PSPC1: variants seen among roughly 807,000 people sequenced by gnomAD.
The protein encoded by PSPC1 is paraspeckle component 1.
In PSPC1, 14 loss-of-function variants were observed where a neutral mutation model predicts 51.6. The observed-to-expected ratio is 0.27, with a 90% CI of 0.18 to 0.42. The LOEUF is 0.42. Ranked by LOEUF, PSPC1 falls within the 10% of genes least tolerant of loss-of-function variation. The pLI is 1.00. For missense variants in PSPC1, 406 were observed against 701.1 expected (o/e 0.58, Z 4.75); for synonymous variants, 193 against 231.9 (o/e 0.83, Z 1.53).
intron 3 of PSPC1, among the ~76,000 whole-genome samples, chr13:19,753,392 T>C (rs1886762388): frequency 6.6e-6 from 1 of 151,664 alleles, no homozygotes; most frequent in African/African-American, 2.4e-5. Context: ...CATGCCACCA[T>C]GACCAGCTAA....
chr13:19,751,423 T>G lies in PSPC1; in HGVS notation c.815A>C (p.Glu272Ala). 1 of 1,581,612 alleles carries G rather than the reference T, an allele frequency of 6.3e-7. No homozygotes were observed. The highest frequency in any genetic ancestry group is 8.6e-7 in the Non-Finnish European group (1 of 1,168,650). ...PPRFAQPGTFEFEYASRWKAL... is the reference protein window; with the variant it reads ...PPRFAQPGTFAFEYASRWKAL... The stretch of plus-strand genomic sequence containing the variant: ...CTTCCATCGAGATGCATACTCAAAT[T>G]CAAATGTCCCAGGTTGAGCAAAACG... Residue 272 changes from glutamate (E) to alanine (A), a missense_variant, in exon 4 of 9, where the codon GAA (glutamate) becomes GCA (alanine). Transcript: ENST00000338910.
At chr13:19,739,414 T>A (rs770654407) in intron 5 of PSPC1, among the ~76,000 whole-genome samples, 1 of 152,174 alleles carries the variant, frequency 6.6e-6, no homozygotes, top group Non-Finnish European at 1.5e-5. Flanking sequence ...GGTAAGCCTT[T>A]ATGTTAGGGG....
downstream of PSPC1, chr13:19,672,813 C>CT (rs1240020082): frequency 3.6e-6 from 1 of 280,430 alleles, no homozygotes; most frequent in Non-Finnish European, 7.1e-6. Flanking sequence ...TAAATGTGAA[C>CT]TTTTAGCAGA....
intron 5 of PSPC1, among the ~76,000 whole-genome samples, chr13:19,738,040 T>A (rs1456492472): frequency 1.3e-5 from 2 of 152,168 alleles, no homozygotes; most frequent in African/African-American, 2.4e-5. Flanking sequence ...CAGTCAGCTA[T>A]GATTGAGACA....
At chr13:19,687,676 G>A (rs907325136) in intron 6 of PSPC1, among the ~76,000 whole-genome samples, 34 of 6,038 alleles carry the variant, frequency 5.6e-3, no homozygotes, top group African/African-American at 8.3e-3. Flanking sequence ...AATCCCAGTC[G>A]TGACCATATC....
chr13:19,740,587 A>G (rs973955968), intron 5 of PSPC1, among the ~76,000 whole-genome samples: 4 of 152,210 alleles, frequency 2.6e-5, no homozygotes, highest in Non-Finnish European at 5.9e-5. Context: ...TATTTTCAAA[A>G]ACAGATTTCT....
intron 6 of PSPC1, among the ~76,000 whole-genome samples, chr13:19,694,605 A>C (rs1878988440): frequency 6.6e-6 from 1 of 152,258 alleles, no homozygotes; most frequent in Non-Finnish European, 1.5e-5. Context: ...TCAAAGATAC[A>C]AAAGTAGATT....
exon 7 of PSPC1, chr13:19,677,758 TA>T (rs1876829604): frequency 2.1e-6 from 1 of 480,162 alleles, no homozygotes; most frequent in Non-Finnish European, 4.2e-6. Context: ...CTTCTGGTCT[TA>T]ACTCTTCTGA....
chr13:19,694,138 A>C (rs990443866), intron 6 of PSPC1, among the ~76,000 whole-genome samples: 281 of 71,998 alleles, frequency 3.9e-3, no homozygotes, highest in African/African-American at 0.011. Context: ...AAAAAAAAAA[A>C]AAAAAAAAAA....
rs1010466967 is a variant in PSPC1 at position 19,782,284 on chromosome 13, C to A, written c.372+102G>T. The A allele has an allele frequency of 2.8e-6, 4 of 1,427,452 alleles. No individual in the cohort carries two copies. The Admixed American group carries it at 8.0e-5, about 29-fold the overall frequency. 88.4% of individuals were successfully genotyped at this position (1,427,452 alleles called of 1,614,324 possible). On this transcript the variant is annotated intron_variant, in intron 1 of 8. Transcript: ENST00000338910. The surrounding 1 kb of genome is among the most constrained non-coding windows in gnomAD (Gnocchi z 4.5). ...AGGCCGAGCGGCGCCACGGTTGCCA[C>A]AGGTTGAGACAGCGTCCTAGGACGA...
intron 6 of PSPC1, among the ~76,000 whole-genome samples, chr13:19,683,168 G>A (rs553944915): frequency 6.6e-6 from 1 of 152,080 alleles, no homozygotes; most frequent in Non-Finnish European, 1.5e-5. Flanking sequence ...CTGATCCTAG[G>A]AATTTTCCCC....
chr13:19,692,555 G>A (rs948741413), intron 6 of PSPC1, among the ~76,000 whole-genome samples: 19 of 152,118 alleles, frequency 1.2e-4, no homozygotes, highest in Non-Finnish European at 2.5e-4. Flanking sequence ...TTACCAGGCG[G>A]ATTTTCCAAA....
chr13:19,704,201 A>G (rs71433541), intron 8 of PSPC1, among the ~76,000 whole-genome samples: 78 of 152,310 alleles, frequency 5.1e-4, no homozygotes, highest in Non-Finnish European at 6.8e-4. Flanking sequence ...CCAAAGTAGT[A>G]TAAGTTTTTA....
At position 19,782,350 on chromosome 13, in the gene PSPC1, TC is replaced by T. The variant is rs765589486; in HGVS notation, c.372+35del. On this transcript the variant is annotated intron_variant, in intron 1 of 8. Transcript: ENST00000338910. This position sits in a 1 kb window ranked among gnomAD's most constrained non-coding sequence, Gnocchi z 4.5. ...CACGACCCCGCGGCCACCCCGACAG[TC>T]CTTTTGTTCCCTCGCGCGGGCGCCT... is the stretch of plus-strand genomic sequence containing the variant. 1.4e-5 allele frequency: 21 copies of T among 1,542,488 alleles called. No homozygotes were observed. In the African/African-American group the frequency reaches 2.7e-4, roughly 20 times the overall value.
At chr13:19,741,282 T>C (rs752940093) in intron 5 of PSPC1, among the ~76,000 whole-genome samples, 1 of 152,166 alleles carries the variant, frequency 6.6e-6, no homozygotes, top group Non-Finnish European at 1.5e-5. Context: ...TATATCCATC[T>C]CTGGAAAAAT....
intron 6 of PSPC1, among the ~76,000 whole-genome samples, chr13:19,724,695 A>T (rs895527918): frequency 1.2e-4 from 19 of 152,146 alleles, no homozygotes; most frequent in African/African-American, 4.3e-4. Flanking sequence ...TCTACCAAAA[A>T]TACAAAAACT....
intron 5 of PSPC1, among the ~76,000 whole-genome samples, chr13:19,736,816 T>G (rs1454744731): frequency 6.6e-6 from 1 of 152,172 alleles, no homozygotes; most frequent in African/African-American, 2.4e-5. Flanking sequence ...TGTATAACCA[T>G]AGTACAAAAT....
intron 3 of PSPC1, among the ~76,000 whole-genome samples, chr13:19,751,809 G>C (rs1324144989): frequency 6.6e-6 from 1 of 152,198 alleles, no homozygotes; most frequent in Non-Finnish European, 1.5e-5. Context: ...TGTAATCCCA[G>C]CGCTTCGGGA....
chr13:19,730,973 A>AG (rs1884028890), intron 5 of PSPC1, among the ~76,000 whole-genome samples: 2 of 146,620 alleles, frequency 1.4e-5, no homozygotes, highest in Admixed American at 6.9e-5. Flanking sequence ...AACAAAAAAA[A>AG]AAAAAACAGA....
Sources: allele counts gnomAD v4.1 joint callset (sites outside exome capture counted in the v4.1 genomes callset), GRCh38; gene constraint gnomAD v4.1.1; non-coding constraint Gnocchi (gnomAD v3.1); transcripts MANE v1.5; gene names NCBI Gene and HGNC (gene_info 2026-07-23, HGNC 2026-07-21).